Variants in RALGAPA1 observed in about 807,000 individuals in gnomAD.
The protein encoded by RALGAPA1 is ral GTPase-activating protein subunit alpha-1.
RALGAPA1 carries 52 observed loss-of-function variants against 269.6 expected under a neutral mutation model. The observed-to-expected ratio is 0.19, with a 90% confidence interval of 0.15 to 0.24. The LOEUF is 0.24. Ranked by LOEUF, RALGAPA1 falls within the 10% of genes least tolerant of loss-of-function variation. RALGAPA1 has a pLI of 1.00. For missense variants in RALGAPA1, 1,917 were observed against 3,013.9 expected (o/e 0.64, Z 8.52); for synonymous variants, 817 against 1,008.3 (o/e 0.81, Z 3.60).
Position 35,683,918 on chromosome 14 carries a change from A to T in RALGAPA1, c.4362T>A (p.His1454Gln). ...SADVDSGSGH[H>Q]QSAEEQEVAS... The stretch of plus-strand genomic sequence containing the variant: ...CCACTTCCTGCTCTTCAGCACTCTG[A>T]TGATGGCCAGAACCTGAATCCACAT... Residue 1454 changes from histidine to glutamine, a missense_variant, in exon 21 of 42, where the codon CAT (histidine) becomes CAA (glutamine). Physicochemically the swap from His to Gln is conservative, Grantham distance 24. Around this residue, in one of 11 missense-constraint regions of RALGAPA1, gnomAD observed 615 missense variants for 790.0 expected, o/e 0.78. Coordinates refer to ENST00000680220, the MANE Select transcript of RALGAPA1 (RefSeq NM_001346249.2). The T allele has an allele frequency of 6.2e-7, 1 of 1,613,688 alleles. No individual in the cohort carries two copies. Among genetic ancestry groups the T allele is most frequent in the Non-Finnish European group, 8.5e-7 (1 of 1,179,728 alleles).
At position 35,599,698 on chromosome 14, in the gene RALGAPA1, G is replaced by A. The variant is rs142145053; in HGVS notation, c.7054-3909C>T. On this transcript the variant is annotated intron_variant, in intron 36 of 41. Transcript: ENST00000680220. ...CAGGAGGTGGTGGAGGTTGCAATGA[G>A]CCGAGATCATGCCACTGCACTCCAG... is the stretch of plus-strand genomic sequence containing the variant. Among the ~76,000 whole-genome samples, 794 of 152,256 alleles carry A rather than the reference G, an allele frequency of 5.2e-3. 1 individual carries two copies. Among genetic ancestry groups the A allele is most frequent in the African/African-American group, 0.017 (726 of 41,554 alleles).
chr14:35,618,645 A>G (rs996091612), intron 35 of RALGAPA1, among the ~76,000 whole-genome samples: 3 of 152,138 alleles, frequency 2.0e-5, no homozygotes, highest in Non-Finnish European at 2.9e-5. Context: ...AGACAAGCAT[A>G]ACTACTAGAA....
chr14:35,753,916 G>A (rs1480343468), intron 7 of RALGAPA1, among the ~76,000 whole-genome samples: 2 of 152,076 alleles, frequency 1.3e-5, no homozygotes, highest in Non-Finnish European at 2.9e-5. Flanking sequence ...AGCCTTCAAT[G>A]GATCCTAAAA....
intron 21 of RALGAPA1, among the ~76,000 whole-genome samples, chr14:35,679,968 AC>A (rs2065273686): frequency 6.6e-6 from 1 of 152,168 alleles, no homozygotes; most frequent in Non-Finnish European, 1.5e-5. Flanking sequence ...TTCATATGGC[AC>A]AAAAATCATA....
chr14:35,742,763 T>TAA (rs199500409), intron 10 of RALGAPA1, among the ~76,000 whole-genome samples, 198 bp from the exon 11 acceptor site: 34 of 128,738 alleles, frequency 2.6e-4, no homozygotes, highest in African/African-American at 4.2e-4. Context: ...ATATTTCTAG[T>TAA]AAAAAAAAAA....
intron 31 of RALGAPA1, among the ~76,000 whole-genome samples, chr14:35,638,942 A>T (rs2061833757): frequency 6.6e-6 from 1 of 152,096 alleles, no homozygotes; most frequent in Admixed American, 6.6e-5. Flanking sequence ...AAAGAAAGAA[A>T]AAAAAAGAAT....
chr14:35,791,931 A>G (rs2076205486), intron 1 of RALGAPA1, among the ~76,000 whole-genome samples: 1 of 150,354 alleles, frequency 6.7e-6, no homozygotes, highest in African/African-American at 2.4e-5. Flanking sequence ...AAAAAAAAAA[A>G]GCATGCATTT....
At chr14:35,665,072 A>G (rs930653106) in intron 26 of RALGAPA1, among the ~76,000 whole-genome samples, 5 of 152,206 alleles carry the variant, frequency 3.3e-5, no homozygotes, top group African/African-American at 4.8e-5. Context: ...TAAAAATATA[A>G]ATAATTTTAA....
intron 21 of RALGAPA1, among the ~76,000 whole-genome samples, chr14:35,679,313 C>A (rs1275903811): frequency 6.6e-6 from 1 of 152,284 alleles, no homozygotes; most frequent in South Asian, 2.1e-4. Context: ...AAGCAAAAAA[C>A]CAATATAAAT....
chr14:35,777,517 AC>A (rs1215350834), intron 1 of RALGAPA1, among the ~76,000 whole-genome samples: 1 of 152,204 alleles, frequency 6.6e-6, no homozygotes, highest in African/African-American at 2.4e-5. Flanking sequence ...CAAATTGTTT[AC>A]AAAAAGCACA....
intron 34 of RALGAPA1, among the ~76,000 whole-genome samples, chr14:35,626,193 G>C (rs1282392341): frequency 9.2e-5 from 14 of 152,020 alleles, no homozygotes; most frequent in Non-Finnish European, 1.3e-4. Context: ...CTAATAAGAG[G>C]CTTTCCTATA....
intron 1 of RALGAPA1, among the ~76,000 whole-genome samples, chr14:35,802,753 C>G (rs1459532307): frequency 4.0e-5 from 6 of 151,316 alleles, no homozygotes; most frequent in Admixed American, 3.3e-4. Flanking sequence ...GCAATCATGG[C>G]TCATTGCAAC....
intron 41 of RALGAPA1, among the ~76,000 whole-genome samples, chr14:35,548,206 GTAC>G (rs2054627339): frequency 6.6e-6 from 1 of 151,836 alleles, no homozygotes; most frequent in Non-Finnish European, 1.5e-5. Flanking sequence ...CAGTTCAATA[GTAC>G]TACTTTTTCA....
intron 31 of RALGAPA1, among the ~76,000 whole-genome samples, chr14:35,643,071 C>CT (rs1317692906): frequency 2.0e-5 from 3 of 151,996 alleles, no homozygotes; most frequent in Admixed American, 6.6e-5. Flanking sequence ...TCTGAGCAAA[C>CT]TGTCGCAAGG....
At chr14:35,601,856 C>T (rs920182001) in intron 36 of RALGAPA1, among the ~76,000 whole-genome samples, 1 of 152,150 alleles carries the variant, frequency 6.6e-6, no homozygotes, top group African/African-American at 2.4e-5. Flanking sequence ...CTCCTCTGTA[C>T]AATTTAATGG....
chr14:35,606,843 G>A (rs146599919), intron 35 of RALGAPA1, among the ~76,000 whole-genome samples: 4 of 151,858 alleles, frequency 2.6e-5, no homozygotes, highest in Non-Finnish European at 4.4e-5. Context: ...TTTCCCACAC[G>A]TCTGGAGTAA....
chr14:35,636,135 T>C (rs1030515587), intron 31 of RALGAPA1, among the ~76,000 whole-genome samples: 4 of 152,078 alleles, frequency 2.6e-5, no homozygotes, highest in African/African-American at 9.7e-5. Context: ...GGCCTTGAAC[T>C]CTTGGGCTCA....
intron 41 of RALGAPA1, 94 bp downstream of exon 41, chr14:35,548,414 C>G: frequency 1.2e-6 from 1 of 835,416 alleles, no homozygotes; most frequent in East Asian, 2.7e-5. Context: ...GTTAAGTTTA[C>G]TTATTGTTTA....
At chr14:35,597,309 AT>A (rs2058987748) in intron 36 of RALGAPA1, among the ~76,000 whole-genome samples, 1 of 152,142 alleles carries the variant, frequency 6.6e-6, no homozygotes, top group African/African-American at 2.4e-5. Flanking sequence ...AATATAGTAT[AT>A]TATCACACTT....
Sources: gnomAD v4.1 joint callset for allele counts (sites outside exome capture counted in the v4.1 genomes callset) on GRCh38, gnomAD v4.1.1 for gene constraint, gnomAD v4.1.1 regional missense constraint, MANE v1.5 for transcripts, NCBI Gene and HGNC (gene_info 2026-07-23, HGNC 2026-07-21) for gene names.